Variants in HSD17B14 observed in about 807,000 individuals in gnomAD.
HSD17B14 encodes hydroxysteroid 17-beta dehydrogenase 14, also known as L-fucose dehydrogenase.
In HSD17B14, 32 loss-of-function variants were observed where a neutral mutation model predicts 32.2. That is an observed-to-expected ratio of 0.99 (90% CI 0.75 to 1.33). The LOEUF (loss-of-function observed/expected upper bound fraction) is 1.33. HSD17B14 is among the 40% of genes most tolerant of loss of function. HSD17B14 has a pLI of 0.00. For missense variants in HSD17B14, 370 were observed against 366.5 expected (o/e 1.01, Z -0.08); for synonymous variants, 140 against 155.4 (o/e 0.90, Z 0.74).
rs921759349 is a variant in HSD17B14, at chr19:48,816,023, A to G, written c.370-882T>C. ...GCAACAGAGCAAGACTCCGTTTCAG[A>G]AAAAAAAAAAAAAAAAAAAAGAAAT... On this transcript the variant is annotated intron_variant, in intron 5 of 8. Transcript: ENST00000263278. Among the ~76,000 whole-genome samples the G allele has an allele frequency of 4.9e-5, 4 of 81,558 alleles. No homozygotes were observed. The South Asian group carries it at 1.1e-3, about 23-fold the overall frequency. 53.5% of individuals were successfully genotyped at this position (81,558 alleles called of 152,430 possible). A position where few individuals can be genotyped will look rare whatever the true frequency, so the allele number is the denominator to read the frequency against.
At chr19:48,825,777 T>C (rs985603323) in intron 5 of HSD17B14, among the ~76,000 whole-genome samples, 2 of 152,148 alleles carry the variant, frequency 1.3e-5, no homozygotes, top group Admixed American at 1.3e-4. Flanking sequence ...TTGTTATTTC[T>C]GCCTCCCTGC....
In HSD17B14 at chr19:48,813,318, C is replaced by CAGTGGG. The variant is rs2122725754; in HGVS notation, c.669_670insCCCACT (p.Glu223_Val224insProThr). On this transcript the variant is annotated inframe_insertion, in exon 9 of 9. Transcript: ENST00000263278. ...GCCAGGAACACTGCCGCAGCCCCGA[C>CAGTGGG]CTCAGCGGGCTGGCCCATGCGGCCC... The CAGTGGG allele has an allele frequency of 6.3e-7, 1 of 1,594,636 alleles. No homozygotes were observed. The highest frequency in any genetic ancestry group is 1.8e-5 in the Admixed American group (1 of 56,778).
chr19:48,813,338 C>CGGCCCA lies in HSD17B14; in HGVS notation c.644_649dup (p.Leu215_Gly216dup), dbSNP rs1568515539. The CGGCCCA allele has an allele frequency of 6.3e-7, 1 of 1,581,536 alleles. No homozygotes were observed. Among genetic ancestry groups the CGGCCCA allele is most frequent in the Non-Finnish European group, 8.6e-7 (1 of 1,163,652 alleles). On this transcript the variant is annotated inframe_insertion, in exon 9 of 9. Coordinates refer to ENST00000263278, the MANE Select transcript of HSD17B14 (RefSeq NM_016246.3). ...CCCGACCTCAGCGGGCTGGCCCATG[C>CGGCCCA]GGCCCAGTGGCTGGGGAGAAAAGAG...
intron 5 of HSD17B14, among the ~76,000 whole-genome samples, chr19:48,819,006 A>G (rs1476287949): frequency 6.6e-6 from 1 of 152,020 alleles, no homozygotes; most frequent in Non-Finnish European, 1.5e-5. Context: ...TGTTTGTTTC[A>G]GAGACAGAGT....
chr19:48,826,049 T>C (rs927146257), intron 5 of HSD17B14, among the ~76,000 whole-genome samples: 2 of 151,606 alleles, frequency 1.3e-5, no homozygotes, highest in Non-Finnish European at 2.9e-5. Context: ...CTCGATCTCC[T>C]GACCTCGGGA....
chr19:48,830,187 A>G (rs1414351594), intron 5 of HSD17B14, among the ~76,000 whole-genome samples: 1 of 151,928 alleles, frequency 6.6e-6, no homozygotes, highest in Non-Finnish European at 1.5e-5. Context: ...CCCTTTCTTC[A>G]AGGACTTAAC....
At chr19:48,821,703 T>C (rs2035151611) in intron 5 of HSD17B14, among the ~76,000 whole-genome samples, 1 of 152,016 alleles carries the variant, frequency 6.6e-6, no homozygotes, top group African/African-American at 2.4e-5. Context: ...ATGGTGGTCA[T>C]GATGGTGATG....
chr19:48,821,465 C>T (rs959642316), intron 5 of HSD17B14, among the ~76,000 whole-genome samples: 14 of 152,148 alleles, frequency 9.2e-5, no homozygotes, highest in African/African-American at 3.4e-4. Context: ...TTTTCCCTAG[C>T]CTAGGGAGTC....
chr19:48,815,002 G>T (rs754010325), intron 6 of HSD17B14, 35 bp downstream of exon 6: 1 of 1,516,170 alleles, frequency 6.6e-7, no homozygotes, highest in Non-Finnish European at 9.2e-7. Flanking sequence ...ATGGGAAGGA[G>T]TAGGGAGGGA....
chr19:48,832,725 A>G lies in HSD17B14; in HGVS notation c.218T>C (p.Val73Ala). 6.2e-7 allele frequency: 1 copy of G among 1,611,458 alleles called. No homozygotes were observed. Among genetic ancestry groups the G allele is most frequent in the Non-Finnish European group, 8.5e-7 (1 of 1,179,270 alleles). The change falls in exon 4 of 9, where the codon GTT (valine) becomes GCT (alanine). Residue 73 changes from valine to alanine, a missense_variant. Transcript: ENST00000263278. ...GCCAAATCGGCGGATGGTCTCAGAAACCAGGGTCTGAGGAGAAAGGAAATG... is the reference window on the plus strand; with the variant it reads ...GCCAAATCGGCGGATGGTCTCAGAAGCCAGGGTCTGAGGAGAAAGGAAATG... ...VTQEDDVKTL[V>A]SETIRRFGRL...
intron 4 of HSD17B14, among the ~76,000 whole-genome samples, chr19:48,832,362 G>A (rs507618): frequency 0.075 from 11,339 of 151,686 alleles, 1,216 homozygotes; most frequent in African/African-American, 0.23. Context: ...CTGGACGACA[G>A]AGTGCGACTC....
chr19:48,833,826 TA>T (rs55633542), intron 3 of HSD17B14, among the ~76,000 whole-genome samples: 369 of 109,880 alleles, frequency 3.4e-3, no homozygotes, highest in Middle Eastern at 5.1e-3. Flanking sequence ...AACTCTGTCT[TA>T]AAAAAAAAAA....
intron 5 of HSD17B14, among the ~76,000 whole-genome samples, chr19:48,816,816 T>TTTCTTTC (rs1372104420): frequency 2.3e-5 from 2 of 87,036 alleles, no homozygotes; most frequent in East Asian, 5.7e-4. Flanking sequence ...TCTTTCTTTC[T>TTTCTTTC]TTCTTTCTTT....
At chr19:48,827,515 G>A (rs1420399538) in intron 5 of HSD17B14, among the ~76,000 whole-genome samples, 4 of 151,968 alleles carry the variant, frequency 2.6e-5, no homozygotes, top group Non-Finnish European at 5.9e-5. Context: ...GCAAGGGTGA[G>A]GGAAAGGCTT....
chr19:48,828,334 A>C (rs662512), intron 5 of HSD17B14, among the ~76,000 whole-genome samples: 1 of 152,126 alleles, frequency 6.6e-6, no homozygotes, highest in Non-Finnish European at 1.5e-5. Flanking sequence ...TCTAGAGTCC[A>C]GAAACCAAGT....
At chr19:48,831,646 C>T (rs377452445) in intron 5 of HSD17B14, 22 bp downstream of exon 5, 56 of 1,582,478 alleles carry the variant, frequency 3.5e-5, no homozygotes, top group East Asian at 2.2e-4. Context: ...TCGGGCCTGG[C>T]GGCAGGGTCG....
chr19:48,833,726 TGA>T lies in HSD17B14; in HGVS notation c.210+548_210+549del, dbSNP rs1236895286. Among the ~76,000 whole-genome samples the T allele has an allele frequency of 2.0e-5, 3 of 151,888 alleles. No homozygotes were observed. The East Asian group carries it at 5.8e-4, about 29-fold the overall frequency. ...CTGAAATCTCAGCTACTCGGGAGGC[TGA>T]GAGAGGAGAATCACTTGAAGCTGGG... On this transcript the variant is annotated intron_variant, in intron 3 of 8. Transcript: ENST00000263278.
intron 5 of HSD17B14, among the ~76,000 whole-genome samples, chr19:48,817,209 A>C (rs2035072447): frequency 6.8e-6 from 1 of 147,700 alleles, no homozygotes; most frequent in Admixed American, 6.9e-5. Flanking sequence ...ACAGAGTCTC[A>C]CTCTGTTGCC....
At chr19:48,827,804 C>G (rs1261915370) in intron 5 of HSD17B14, among the ~76,000 whole-genome samples, 3 of 150,442 alleles carry the variant, frequency 2.0e-5, no homozygotes, top group Non-Finnish European at 2.9e-5. Flanking sequence ...TCCCAAAGTG[C>G]TGGGATTACA....
Sources: allele counts gnomAD v4.1 joint callset (sites outside exome capture counted in the v4.1 genomes callset), GRCh38; gene constraint gnomAD v4.1.1; transcripts MANE v1.5; gene names NCBI Gene and HGNC (gene_info 2026-07-23, HGNC 2026-07-21).